Variants in SPINK5 observed in about 807,000 individuals in gnomAD.
The protein encoded by SPINK5 is serine protease inhibitor Kazal-type 5.
A neutral mutation model predicts 151.8 loss-of-function variants in SPINK5; 125 were observed. The observed-to-expected ratio is 0.82, with a 90% CI of 0.71 to 0.96. The LOEUF is 0.96. Ranked by LOEUF, SPINK5 falls within the 40% of genes least tolerant of loss-of-function variation. SPINK5 has a pLI of 0.00. For missense variants in SPINK5, 1,194 were observed against 1,291.9 expected (o/e 0.92, Z 1.16); for synonymous variants, 374 against 395.3 (o/e 0.95, Z 0.64).
chr5:148,076,747 C>T (rs1292546374), intron 4 of SPINK5, among the ~76,000 whole-genome samples: 2 of 151,576 alleles, frequency 1.3e-5, no homozygotes, highest in Non-Finnish European at 3.0e-5. Flanking sequence ...CCGATAAAAA[C>T]TTTCAATGAA....
Position 148,107,156 on chromosome 5 carries a change from C to T in SPINK5, c.1599C>T (p.Ala533=). Residue 533 remains alanine, a synonymous_variant, in exon 17 of 33, where the codon GCC becomes GCT. Coordinates refer to ENST00000256084, the MANE Select transcript of SPINK5 (RefSeq NM_006846.4). ...KMHGNKCAMC[A]SVFKLEEEEK... Reference sequence around the variant, plus strand: ...ATGGAAACAAGTGTGCCATGTGTGCCAGTGTGTTGTGAGTGTCCACCCCAT... The same window carrying T: ...ATGGAAACAAGTGTGCCATGTGTGCTAGTGTGTTGTGAGTGTCCACCCCAT... The T allele has an allele frequency of 6.2e-7, 1 of 1,612,188 alleles. No individual in the cohort carries two copies. The highest frequency in any genetic ancestry group is 8.5e-7 in the Non-Finnish European group (1 of 1,178,818).
intron 32 of SPINK5, among the ~76,000 whole-genome samples, chr5:148,135,177 T>A (rs1475812989): frequency 6.6e-6 from 1 of 152,160 alleles, no homozygotes; most frequent in East Asian, 1.9e-4. Flanking sequence ...TTAACTCTAG[T>A]CCCTATATTG....
chr5:148,126,999 G>A lies in SPINK5; in HGVS notation c.2884G>A (p.Glu962Lys). Residue 962 changes from glutamate (E) to lysine (K), a missense_variant, in exon 30 of 33, where the codon GAA becomes AAA. By Grantham distance (56) the Glu-to-Lys change is moderately conservative (BLOSUM62 1). Transcript: ENST00000256084. ...CTTCTCTAGTCTAACAGAAGCTTTG[G>A]AAAGGGCAAAGCTTCAAGAAAAGCC... Reference protein sequence around the residue: ...CRAVFLTEALERAKLQEKPSH... With the variant: ...CRAVFLTEALKRAKLQEKPSH... The A allele has an allele frequency of 6.2e-7, 1 of 1,612,798 alleles. No individual in the cohort carries two copies. Among genetic ancestry groups the A allele is most frequent in the Non-Finnish European group, 8.5e-7 (1 of 1,179,402 alleles).
Position 148,120,311 on chromosome 5 carries a change from GA to G in SPINK5, c.2468del (p.Lys823ArgfsTer101), listed in dbSNP as rs565782662. ...CKEKLEREAAEKKKKEDEDRS... is the reference protein window; with the variant it reads ...CKEKLEREAAXKKKKEDEDRS... ...TCCCCCCAGGGAAAGGGAAGCAGCTGAAAAAAAAAAGAAAGAGGATGAAGAC... is the reference window on the plus strand; with the variant it reads ...TCCCCCCAGGGAAAGGGAAGCAGCTGAAAAAAAAAGAAAGAGGATGAAGAC... On this transcript the variant is annotated frameshift_variant, in exon 26 of 33. Transcript: ENST00000256084. LOFTEE classifies it high-confidence loss of function. 318 of 1,528,082 alleles carry G rather than the reference GA, an allele frequency of 2.1e-4. No individual in the cohort carries two copies. The highest frequency in any genetic ancestry group is 9.8e-4 in the Admixed American group (54 of 55,154). 94.7% of individuals were successfully genotyped at this position (1,528,082 alleles called of 1,614,324 possible).
chr5:148,105,578 C>T (rs1438595717), intron 16 of SPINK5, among the ~76,000 whole-genome samples: 1 of 151,898 alleles, frequency 6.6e-6, no homozygotes, highest in East Asian at 1.9e-4. Flanking sequence ...TTGAATTATT[C>T]TCATATAATA....
rs2303070 is a variant in SPINK5 at position 148,120,328 on chromosome 5, G to T, written c.2475G>T (p.Glu825Asp). ...AAGCAGCTGAAAAAAAAAAGAAAGA[G>T]GATGAAGACAGGAGCAATACAGGAG... ...EREAAEKKKK[E>D]DEDRSNTGER... Residue 825 changes from glutamate (E) to aspartate (D), a missense_variant, in exon 26 of 33, where the codon GAG (glutamate) becomes GAT (aspartate). Glu to Asp is a conservative substitution (Grantham distance 45, BLOSUM62 2). Coordinates refer to ENST00000256084, the MANE Select transcript of SPINK5 (RefSeq NM_006846.4). The T allele has an allele frequency of 0.1, 161,048 of 1,603,508 alleles. 11,474 individuals are homozygous for T. Among genetic ancestry groups the T allele is most frequent in the East Asian group, 0.29 (13,035 of 44,396 alleles).
Position 148,123,852 on chromosome 5 carries a change from G to A in SPINK5, c.2558G>A (p.Arg853Gln), listed in dbSNP as rs376107938. The change falls in exon 27 of 33, where the codon CGA becomes CAA. Residue 853 changes from arginine (R) to glutamine (Q), a missense_variant. Transcript: ENST00000256084. ...NDKEDLCREFRSMQRNGKLIC... is the reference protein window; with the variant it reads ...NDKEDLCREFQSMQRNGKLIC... The stretch of plus-strand genomic sequence containing the variant: ...TGGTAGGATCTGTGTCGTGAATTTC[G>A]AAGCATGCAGAGAAATGGAAAGCTT... The A allele has an allele frequency of 1.2e-4, 190 of 1,613,746 alleles. No homozygotes were observed. Among genetic ancestry groups the A allele is most frequent in the East Asian group, 8.5e-4 (38 of 44,824 alleles).
At chr5:148,080,304 C>A (rs1752986273) in intron 4 of SPINK5, among the ~76,000 whole-genome samples, 1 of 151,150 alleles carries the variant, frequency 6.6e-6, no homozygotes, top group African/African-American at 2.4e-5. Context: ...GTTGAGATGG[C>A]AATTTTCCCA....
chr5:148,133,843 G>A lies in SPINK5; in HGVS notation c.3142G>A (p.Glu1048Lys), dbSNP rs371879473. Reference sequence around the variant, plus strand: ...CATCCGCAGTACAGGGAAGTGTGAGGAGAGCAGCACCCCAGGAACCACCGC... The same window carrying A: ...CATCCGCAGTACAGGGAAGTGTGAGAAGAGCAGCACCCCAGGAACCACCGC... ...THIRSTGKCE[E>K]SSTPGTTAAS... Residue 1048 changes from glutamate to lysine, a missense_variant, in exon 32 of 33, where the codon GAG becomes AAG. Coordinates refer to ENST00000256084, the MANE Select transcript of SPINK5 (RefSeq NM_006846.4). 2 of 1,613,912 alleles carry A rather than the reference G, an allele frequency of 1.2e-6. No individual in the cohort carries two copies. Among genetic ancestry groups the A allele is most frequent in the African/African-American group, 1.3e-5 (1 of 74,900 alleles).
At chr5:148,100,346 C>T in intron 12 of SPINK5, 108 bp from the exon 13 acceptor site, 1 of 1,200,846 alleles carries the variant, frequency 8.3e-7, no homozygotes, top group Non-Finnish European at 1.2e-6. Context: ...AATTAAAATC[C>T]TCAGCTCAAA....
intron 10 of SPINK5, among the ~76,000 whole-genome samples, 153 bp from the exon 11 acceptor site, chr5:148,097,714 C>T (rs755204587): frequency 2.0e-5 from 3 of 151,948 alleles, no homozygotes; most frequent in Non-Finnish European, 4.4e-5. Context: ...ATGGATATTA[C>T]AAGGAGAGAA....
chr5:148,134,070 A>T, intron 32 of SPINK5, 183 bp downstream of exon 32: 1 of 689,570 alleles, frequency 1.5e-6, no homozygotes, highest in South Asian at 1.5e-5. Flanking sequence ...AATAAGTGGA[A>T]ATAATGTAGC....
At position 148,119,024 on chromosome 5, in the gene SPINK5, C is replaced by G; in HGVS notation, c.2279C>G (p.Ser760Cys). 1 of 1,614,030 alleles carries G rather than the reference C, an allele frequency of 6.2e-7. No individual in the cohort carries two copies. The highest frequency in any genetic ancestry group is 8.5e-7 in the Non-Finnish European group (1 of 1,179,972). Residue 760 changes from serine (S) to cysteine (C), a missense_variant, in exon 24 of 33, where the codon TCC (serine) becomes TGC (cysteine). Transcript: ENST00000256084. ...GAGAGAAAAAATGAGTATTCTCGCTCCAGATCAAATGGGACTGGATCAGAA... is the reference window on the plus strand; with the variant it reads ...GAGAGAAAAAATGAGTATTCTCGCTGCAGATCAAATGGGACTGGATCAGAA... ...EAERKNEYSR[S>C]RSNGTGSESG...
At chr5:148,122,006 G>A (rs1324369083) in intron 26 of SPINK5, among the ~76,000 whole-genome samples, 1 of 102,100 alleles carries the variant, frequency 9.8e-6, no homozygotes, top group East Asian at 4.1e-4. Context: ...GTGTGAGTGT[G>A]TGTGTGTGTG....
In SPINK5 at chr5:148,132,161, A is replaced by T. The variant is rs1754588324; in HGVS notation, c.3095+772A>T. Among the ~76,000 whole-genome samples the T allele has an allele frequency of 2.6e-5, 4 of 152,318 alleles. No individual in the cohort carries two copies. The South Asian group carries it at 8.3e-4, about 32-fold the overall frequency. ...GCTCAAATGCTGTCTGAATTTTAAAATAATTTTTAAATAATTTCCCCTTGT... is the reference window on the plus strand; with the variant it reads ...GCTCAAATGCTGTCTGAATTTTAAATTAATTTTTAAATAATTTCCCCTTGT... On this transcript the variant is annotated intron_variant, in intron 31 of 32. Coordinates refer to ENST00000256084, the MANE Select transcript of SPINK5 (RefSeq NM_006846.4).
intron 4 of SPINK5, among the ~76,000 whole-genome samples, chr5:148,077,858 T>G (rs978963820): frequency 6.0e-5 from 9 of 150,740 alleles, no homozygotes; most frequent in African/African-American, 2.2e-4. Context: ...AAAGGTGTAC[T>G]AGAAATATTT....
chr5:148,101,345 C>T lies in SPINK5; in HGVS notation c.1221-10C>T, dbSNP rs1431712226. 1.3e-6 allele frequency: 2 copies of T among 1,592,828 alleles called. No homozygotes were observed. The highest frequency in any genetic ancestry group is 2.7e-5 in the African/African-American group (2 of 74,552). Reference sequence around the variant, plus strand: ...TTTTTACTTATCTCTTCTTAACCATCCTTTTTTAGCCAAGCAGAAGAAGAA... The same window carrying T: ...TTTTTACTTATCTCTTCTTAACCATTCTTTTTTAGCCAAGCAGAAGAAGAA... On this transcript the variant is annotated splice_polypyrimidine_tract_variant and intron_variant, in intron 13 of 32. Coordinates refer to ENST00000256084, the MANE Select transcript of SPINK5 (RefSeq NM_006846.4).
At chr5:148,110,891 C>G (rs924559156) in intron 18 of SPINK5, among the ~76,000 whole-genome samples, 1 of 151,872 alleles carries the variant, frequency 6.6e-6, no homozygotes, top group African/African-American at 2.4e-5. Flanking sequence ...TTGATAGGTG[C>G]AGCAAACCAC....
At chr5:148,130,304 G>A (rs1485914282) in intron 30 of SPINK5, among the ~76,000 whole-genome samples, 1 of 151,690 alleles carries the variant, frequency 6.6e-6, no homozygotes, top group Non-Finnish European at 1.5e-5. Flanking sequence ...GAGTTATTTA[G>A]AACTCATCCT....
Sources: gnomAD v4.1 joint callset for allele counts (sites outside exome capture counted in the v4.1 genomes callset) on GRCh38, gnomAD v4.1.1 for gene constraint, MANE v1.5 for transcripts, NCBI Gene and HGNC (gene_info 2026-07-23, HGNC 2026-07-21) for gene names.